Variants in TSPAN2 observed in about 807,000 individuals in gnomAD.
TSPAN2 encodes the protein tetraspanin 2.
TSPAN2 carries 24 observed loss-of-function variants against 33.3 expected under a neutral mutation model. That is an observed-to-expected ratio of 0.72 (90% CI 0.52 to 1.01). The LOEUF is 1.01. Ranked by LOEUF, TSPAN2 falls within the 50% of genes least tolerant of loss-of-function variation. The pLI is 0.00. For missense variants in TSPAN2, 278 were observed against 281.3 expected (o/e 0.99, Z 0.08); for synonymous variants, 114 against 104.5 (o/e 1.09, Z -0.56).
rs1391943006 is a variant in TSPAN2, at chr1:115,066,033, C to T, written c.173-3801G>A. On this transcript the variant is annotated intron_variant, in intron 2 of 7. Coordinates refer to ENST00000369516, the MANE Select transcript of TSPAN2 (RefSeq NM_005725.6). Reference sequence around the variant, plus strand: ...CCTGTGCTTGGCTTGTTTCACTTAACACAATGGCCTCTAGTTCCATCCATG... The same window carrying T: ...CCTGTGCTTGGCTTGTTTCACTTAATACAATGGCCTCTAGTTCCATCCATG... Among the ~76,000 whole-genome samples the T allele has an allele frequency of 2.6e-5, 4 of 152,164 alleles. No homozygotes were observed. The South Asian group carries it at 8.3e-4, about 32-fold the overall frequency.
At chr1:115,065,027 C>T (rs995995336) in intron 2 of TSPAN2, among the ~76,000 whole-genome samples, 1 of 152,160 alleles carries the variant, frequency 6.6e-6, no homozygotes, top group African/African-American at 2.4e-5. Flanking sequence ...TATCAGAATC[C>T]CAGAGCTCAC....
chr1:115,062,125 C>T lies in TSPAN2; in HGVS notation c.270+10G>A, dbSNP rs1207149910. ...CCCCACCCCACCATTTACCCCCTCGCCCCACTTACTGATCCAAGCACACAT... is the reference window on the plus strand; with the variant it reads ...CCCCACCCCACCATTTACCCCCTCGTCCCACTTACTGATCCAAGCACACAT... On this transcript the variant is annotated intron_variant, in intron 3 of 7. Transcript: ENST00000369516. The T allele has an allele frequency of 3.2e-6, 5 of 1,572,458 alleles. No individual in the cohort carries two copies. Among genetic ancestry groups the T allele is most frequent in the East Asian group, 2.3e-5 (1 of 42,938 alleles).
intron 3 of TSPAN2, among the ~76,000 whole-genome samples, chr1:115,060,981 G>C (rs956804503): frequency 1.3e-5 from 2 of 152,126 alleles, no homozygotes; most frequent in Admixed American, 1.3e-4. Context: ...CATGGGGAAG[G>C]GGGTGACTGG....
In TSPAN2 at chr1:115,050,538, G is replaced by A. The variant is rs1201590091; in HGVS notation, c.618C>T (p.Phe206=). Residue 206 remains phenylalanine, a synonymous_variant, in exon 8 of 8, where the codon TTC becomes TTT. Coordinates refer to ENST00000369516, the MANE Select transcript of TSPAN2 (RefSeq NM_005725.6). ...IAGLTIFGMI[F]SMVLCCAIRN... ...GTATCGCACAGCAGAGGACCATGCT[G>A]AATATCATGCCAAAGATCTGAAACA... 3 of 1,613,804 alleles carry A rather than the reference G, an allele frequency of 1.9e-6. No individual in the cohort carries two copies. In the African/African-American group the frequency reaches 4.0e-5, roughly 22 times the overall value.
intron 1 of TSPAN2, among the ~76,000 whole-genome samples, chr1:115,081,940 G>T (rs980386060): frequency 6.6e-6 from 1 of 152,214 alleles, no homozygotes; most frequent in Admixed American, 6.5e-5. Flanking sequence ...ATACTAGAAA[G>T]TCAGTAGCCT....
intron 1 of TSPAN2, 135 bp downstream of exon 1, chr1:115,089,229 T>C: frequency 3.2e-6 from 2 of 616,422 alleles, no homozygotes; most frequent in Non-Finnish European, 5.2e-6. Context: ...TGCCTTCTCC[T>C]CGCCTCCGCG....
intron 5 of TSPAN2, 22 bp from the exon 6 acceptor site, chr1:115,057,630 T>C: frequency 6.2e-7 from 1 of 1,612,764 alleles, no homozygotes; most frequent in Non-Finnish European, 8.5e-7. Flanking sequence ...GAAAAGAGAC[T>C]TCAGGACCAG....
At chr1:115,067,845 C>G (rs1159472063) in intron 2 of TSPAN2, among the ~76,000 whole-genome samples, 2 of 152,192 alleles carry the variant, frequency 1.3e-5, no homozygotes, top group Non-Finnish European at 2.9e-5. Flanking sequence ...TTTCCAAGGG[C>G]TGAGGGGCTC....
At chr1:115,070,129 G>A (rs1013478878) in intron 2 of TSPAN2, among the ~76,000 whole-genome samples, 1 of 152,064 alleles carries the variant, frequency 6.6e-6, no homozygotes, top group African/African-American at 2.4e-5. Flanking sequence ...ATGGAGCGGG[G>A]GCCCCTTACT....
At chr1:115,050,715 G>A (rs1345200654) in intron 7 of TSPAN2, among the ~76,000 whole-genome samples, 160 bp from the exon 8 acceptor site, 2 of 152,108 alleles carry the variant, frequency 1.3e-5, no homozygotes, top group Non-Finnish European at 2.9e-5. Flanking sequence ...GGTTGGCTAT[G>A]GGGTAAATAA....
intron 5 of TSPAN2, chr1:115,058,446 G>A (rs149191288): frequency 2.1e-4 from 49 of 228,940 alleles, no homozygotes; most frequent in South Asian, 8.4e-4. Context: ...AGGGAGCTGC[G>A]TGGGTATCAG....
intron 6 of TSPAN2, among the ~76,000 whole-genome samples, chr1:115,055,977 C>T (rs1647404085): frequency 6.6e-6 from 1 of 152,100 alleles, no homozygotes; most frequent in Non-Finnish European, 1.5e-5. Context: ...GATTCCTTTT[C>T]CTTAGAATAA....
At chr1:115,056,945 A>G (rs1361723977) in intron 6 of TSPAN2, among the ~76,000 whole-genome samples, 2 of 151,832 alleles carry the variant, frequency 1.3e-5, no homozygotes, top group African/African-American at 2.4e-5. Flanking sequence ...CTTCTTTGGC[A>G]TCTCTTCTTT....
At chr1:115,057,841 G>A (rs2082436437) in intron 5 of TSPAN2, among the ~76,000 whole-genome samples, 1 of 152,226 alleles carries the variant, frequency 6.6e-6, no homozygotes, top group African/African-American at 2.4e-5. Flanking sequence ...GTGACTCAAG[G>A]CAACCCAAAC....
chr1:115,051,347 T>G (rs1033187904), intron 7 of TSPAN2, among the ~76,000 whole-genome samples: 4 of 152,156 alleles, frequency 2.6e-5, no homozygotes, highest in Non-Finnish European at 5.9e-5. Context: ...TCTCAGTCCA[T>G]TTTTAAGGGC....
intron 2 of TSPAN2, among the ~76,000 whole-genome samples, chr1:115,070,468 G>A (rs777002445): frequency 9.9e-5 from 13 of 131,626 alleles, no homozygotes; most frequent in Non-Finnish European, 1.7e-4. Flanking sequence ...CCCTACCCCC[G>A]GCCCCAAATC....
intron 6 of TSPAN2, among the ~76,000 whole-genome samples, chr1:115,054,261 C>T (rs967343174): frequency 6.6e-6 from 1 of 152,194 alleles, no homozygotes; most frequent in Non-Finnish European, 1.5e-5. Context: ...TGGTTGGTTC[C>T]TTTGATACCA....
chr1:115,057,628 AC>A lies in TSPAN2; in HGVS notation c.445-21del. On this transcript the variant is annotated intron_variant, in intron 5 of 7. Transcript: ENST00000369516. ...CTGAAACTAGAGAGTCAGAAAAGAG[AC>A]TTCAGGACCAGGCGGGAGGAGTAGC... 1 of 1,613,174 alleles carries A rather than the reference AC, an allele frequency of 6.2e-7. No individual in the cohort carries two copies. The highest frequency in any genetic ancestry group is 1.1e-5 in the South Asian group (1 of 91,066).
At position 115,050,463 on chromosome 1, in the gene TSPAN2, G is replaced by A. The variant is rs764140651; in HGVS notation, c.*27C>T. On this transcript the variant is annotated 3_prime_UTR_variant, in exon 8 of 8. Coordinates refer to ENST00000369516, the MANE Select transcript of TSPAN2 (RefSeq NM_005725.6). ...TGTGACATTTGGTATGAAAGCTTTAGATTGCAATTTTCATGTAGAAGTAGC... is the reference window on the plus strand; with the variant it reads ...TGTGACATTTGGTATGAAAGCTTTAAATTGCAATTTTCATGTAGAAGTAGC... 1.9e-6 allele frequency: 3 copies of A among 1,604,818 alleles called. No homozygotes were observed. Among genetic ancestry groups the A allele is most frequent in the South Asian group, 2.2e-5 (2 of 90,874 alleles).
Sources: allele counts gnomAD v4.1 joint callset (sites outside exome capture counted in the v4.1 genomes callset), GRCh38; gene constraint gnomAD v4.1.1; transcripts MANE v1.5; gene names NCBI Gene and HGNC (gene_info 2026-07-23, HGNC 2026-07-21).